The following STXBP5L variants were observed in gnomAD, a reference collection of about 807,000 sequenced individuals.
STXBP5L encodes syntaxin binding protein 5L, also known as syntaxin-binding protein 5-like.
Under a neutral mutation model 144.5 loss-of-function variants are expected in STXBP5L, and 65 were observed. The ratio of observed to expected loss-of-function variants is 0.45; its 90% CI spans 0.37 to 0.55. The LOEUF (loss-of-function observed/expected upper bound fraction) is 0.55. STXBP5L is among the 20% of genes least tolerant of loss of function. The pLI, the probability that STXBP5L is intolerant of heterozygous loss-of-function variation, is 0.00. For missense variants in STXBP5L, 1,298 were observed against 1,405.5 expected (o/e 0.92, Z 1.22); for synonymous variants, 505 against 469.6 (o/e 1.08, Z -0.97).
chr3:120,926,283 C>G (rs1377902659), intron 2 of STXBP5L, among the ~76,000 whole-genome samples: 13 of 150,116 alleles, frequency 8.7e-5, no homozygotes, highest in Admixed American at 7.3e-4. Context: ...TTTTGTTTCT[C>G]TGGGAAAGAC....
intron 20 of STXBP5L, among the ~76,000 whole-genome samples, chr3:121,370,108 G>C (rs1319068616): frequency 6.6e-6 from 1 of 152,148 alleles, no homozygotes; most frequent in Non-Finnish European, 1.5e-5. Flanking sequence ...GCTCATGTTT[G>C]TAAATCCAGC....
intron 5 of STXBP5L, among the ~76,000 whole-genome samples, chr3:121,047,171 TTC>T (rs1274849577): frequency 1.3e-5 from 2 of 152,170 alleles, no homozygotes; most frequent in African/African-American, 2.4e-5. Context: ...TTGAGCGATT[TTC>T]TTAGTATTGA....
intron 2 of STXBP5L, among the ~76,000 whole-genome samples, chr3:120,911,494 G>A (rs1046257471): frequency 2.0e-5 from 3 of 152,110 alleles, no homozygotes; most frequent in Non-Finnish European, 4.4e-5. Context: ...CATCTGCAGT[G>A]TAGGAATAAG....
At chr3:121,102,454 A>T (rs2043480965) in intron 5 of STXBP5L, among the ~76,000 whole-genome samples, 1 of 152,156 alleles carries the variant, frequency 6.6e-6, no homozygotes, top group African/African-American at 2.4e-5. Context: ...AAAAATAACC[A>T]ATGGGAAAAG....
At chr3:121,152,954 C>T (rs1266769314) in intron 8 of STXBP5L, among the ~76,000 whole-genome samples, 6 of 152,046 alleles carry the variant, frequency 3.9e-5, no homozygotes, top group Non-Finnish European at 8.8e-5. Flanking sequence ...ACTATTCACA[C>T]CTTCCTTAGA....
chr3:121,175,140 G>A (rs1342232336), intron 9 of STXBP5L, among the ~76,000 whole-genome samples: 2 of 152,050 alleles, frequency 1.3e-5, no homozygotes, highest in East Asian at 3.8e-4. Context: ...CATGTAACAA[G>A]GAAAAATAAC....
chr3:120,982,038 A>G (rs1209531825), intron 3 of STXBP5L, among the ~76,000 whole-genome samples: 1 of 152,186 alleles, frequency 6.6e-6, no homozygotes, highest in Non-Finnish European at 1.5e-5. Flanking sequence ...CTTCTGCAAT[A>G]ACAGGATTGT....
intron 10 of STXBP5L, among the ~76,000 whole-genome samples, chr3:121,214,283 C>T (rs1208752544): frequency 6.6e-6 from 1 of 152,062 alleles, no homozygotes; most frequent in Admixed American, 6.6e-5. Context: ...TTCTCTAGTT[C>T]TTTTAACTGT....
chr3:121,344,654 A>G (rs1312204648), intron 20 of STXBP5L, among the ~76,000 whole-genome samples: 1 of 152,076 alleles, frequency 6.6e-6, no homozygotes, highest in African/African-American at 2.4e-5. Context: ...AAAAATTGAA[A>G]TATAGGAGGC....
intron 9 of STXBP5L, among the ~76,000 whole-genome samples, chr3:121,171,781 G>C (rs1036160951): frequency 6.6e-6 from 1 of 152,152 alleles, no homozygotes; most frequent in African/African-American, 2.4e-5. Flanking sequence ...ACTGCCCAAA[G>C]TAATTTATAG....
In STXBP5L at chr3:121,418,334, C is replaced by A; in HGVS notation, c.3227-3C>A. The A allele has an allele frequency of 6.2e-7, 1 of 1,612,196 alleles. No individual in the cohort carries two copies. Among genetic ancestry groups the A allele is most frequent in the Non-Finnish European group, 8.5e-7 (1 of 1,178,946 alleles). On this transcript the variant is annotated splice_region_variant and splice_polypyrimidine_tract_variant and intron_variant, in intron 25 of 26. Transcript: ENST00000471454. ...TTTAAATTGCTATTGCATATATTCT[C>A]AGTTGGGGAAGCTTCGGCAGGAAAA...
At position 121,223,091 on chromosome 3, in the gene STXBP5L, A is replaced by G. The variant is rs1357617292; in HGVS notation, c.1045A>G (p.Thr349Ala). 3.1e-6 allele frequency: 5 copies of G among 1,612,870 alleles called. No individual in the cohort carries two copies. The highest frequency in any genetic ancestry group is 1.3e-5 in the African/African-American group (1 of 74,958). The change falls in exon 11 of 27, where the codon ACA becomes GCA. Residue 349 changes from threonine to alanine, a missense_variant. Transcript: ENST00000471454. Reference protein sequence around the residue: ...SLTIMHGKAITVLEMDHPIVE... With the variant: ...SLTIMHGKAIAVLEMDHPIVE... The stretch of plus-strand genomic sequence containing the variant: ...AACCATCATGCATGGAAAAGCAATT[A>G]CAGTACTTGAAATGGATCATCCTAT...
chr3:121,057,106 A>G (rs1417449257), intron 5 of STXBP5L, among the ~76,000 whole-genome samples: 1 of 151,888 alleles, frequency 6.6e-6, no homozygotes, highest in Non-Finnish European at 1.5e-5. Context: ...CTACATAACA[A>G]TGAAAATAAA....
At chr3:121,347,357 CT>C (rs1301112259) in intron 20 of STXBP5L, among the ~76,000 whole-genome samples, 3 of 152,218 alleles carry the variant, frequency 2.0e-5, no homozygotes, top group African/African-American at 7.2e-5. Context: ...TTACTGTAGC[CT>C]TGTAGTGTAG....
intron 10 of STXBP5L, among the ~76,000 whole-genome samples, chr3:121,210,862 T>A (rs536800466): frequency 6.6e-6 from 1 of 152,162 alleles, no homozygotes; most frequent in African/African-American, 2.4e-5. Context: ...AGTCAAGTAG[T>A]GTGATGCCTC....
At chr3:121,351,136 T>C (rs566675757) in intron 20 of STXBP5L, among the ~76,000 whole-genome samples, 1 of 152,144 alleles carries the variant, frequency 6.6e-6, no homozygotes, top group East Asian at 1.9e-4. Context: ...GATGGAGTTT[T>C]GGTGTGGATG....
At chr3:121,030,357 G>C (rs898109955) in intron 3 of STXBP5L, among the ~76,000 whole-genome samples, 2 of 152,136 alleles carry the variant, frequency 1.3e-5, no homozygotes, top group South Asian at 4.1e-4. Flanking sequence ...CCATAGAAAA[G>C]GATGAGTTCA....
intron 2 of STXBP5L, among the ~76,000 whole-genome samples, chr3:120,933,589 C>T (rs887219104): frequency 1.3e-5 from 2 of 152,090 alleles, no homozygotes; most frequent in East Asian, 3.8e-4. Context: ...TAATCATACT[C>T]AGAAACTTAC....
intron 9 of STXBP5L, among the ~76,000 whole-genome samples, chr3:121,186,088 G>A (rs1447434244): frequency 6.6e-6 from 1 of 152,014 alleles, no homozygotes; most frequent in Non-Finnish European, 1.5e-5. Context: ...TCATGATTTG[G>A]CTCTCTGTTT....
Sources: gnomAD v4.1 joint callset for allele counts (sites outside exome capture counted in the v4.1 genomes callset) on GRCh38, gnomAD v4.1.1 for gene constraint, MANE v1.5 for transcripts, NCBI Gene and HGNC (gene_info 2026-07-23, HGNC 2026-07-21) for gene names.